Variants in ELP5 observed in about 807,000 individuals in gnomAD.
ELP5 encodes elongator complex protein 5.
In ELP5, 34 loss-of-function variants were observed where a neutral mutation model predicts 33.4. The ratio of observed to expected loss-of-function variants is 1.02; its 90% CI spans 0.78 to 1.36. ELP5 has a LOEUF of 1.36. Ranked by LOEUF, ELP5 falls within the 40% of genes most tolerant of loss-of-function variation. ELP5 has a pLI of 0.00. For missense variants in ELP5, 373 were observed against 371.7 expected (o/e 1.00, Z -0.03); for synonymous variants, 161 against 146.4 (o/e 1.10, Z -0.72).
At chr17:7,252,093 G>T (rs1489077282), upstream of ELP5, 2 of 298,992 alleles carry the variant, frequency 6.7e-6, no homozygotes, top group Non-Finnish European at 1.3e-5. Context: ...GTAGGTATAA[G>T]GAAAGCCAAA....
chr17:7,253,930 G>A (rs1191309599), intron 3 of ELP5, among the ~76,000 whole-genome samples: 1 of 151,708 alleles, frequency 6.6e-6, no homozygotes, highest in Admixed American at 6.6e-5. Context: ...CCAGGAGGCA[G>A]AGGTTGCAGT....
At position 7,257,013 on chromosome 17, in the gene ELP5, GGCCCCGACAGC is replaced by G. The variant is rs1428296245; in HGVS notation, c.571_581del (p.Arg191AsnfsTer2). 6.2e-7 allele frequency: 1 copy of G among 1,600,534 alleles called. No homozygotes were observed. Among genetic ancestry groups the G allele is most frequent in the Non-Finnish European group, 8.5e-7 (1 of 1,174,914 alleles). ...GCCTCGGCCCACATCCTGTGTCGGA[GGCCCCGACAGC>G]GCCCAACTGACCAGGTCAGAAGAAC... is the stretch of plus-strand genomic sequence containing the variant. On this transcript the variant is annotated frameshift_variant, in exon 5 of 8. Transcript: ENST00000396628. LOFTEE classifies it high-confidence loss of function.
At chr17:7,252,745 C>T (rs748255938) in intron 1 of ELP5, 25 bp from the exon 2 acceptor site, 8 of 1,614,012 alleles carry the variant, frequency 5.0e-6, no homozygotes, top group Non-Finnish European at 6.8e-6. Flanking sequence ...GCTCTCATAC[C>T]CTTTATCCGT....
At position 7,254,762 on chromosome 17, in the gene ELP5, G is replaced by C. The variant is rs1329945939; in HGVS notation, c.368G>C (p.Cys123Ser). Residue 123 changes from cysteine to serine, a missense_variant, in exon 4 of 8, where the codon TGC (cysteine) becomes TCC (serine). Cys to Ser is a moderately radical substitution (Grantham distance 112). Transcript: ENST00000396628. ...LLLRLPCTTL[C>S]QVLHAVSHQD... ...CTTCGCCTTCCCTGCACCACACTCT[G>C]CCAGGTCCTGCATGCTGTGAGCCAT... The C allele has an allele frequency of 2.5e-6, 4 of 1,614,058 alleles. No individual in the cohort carries two copies. The highest frequency in any genetic ancestry group is 3.4e-6 in the Non-Finnish European group (4 of 1,180,010).
chr17:7,252,773 C>A lies in ELP5; in HGVS notation c.50C>A (p.Ser17Tyr), dbSNP rs764166633. Residue 17 changes from serine (S) to tyrosine (Y), a missense_variant, in exon 2 of 8, where the codon TCC becomes TAC. Physicochemically the swap from Ser to Tyr is moderately radical, Grantham distance 144. Coordinates refer to ENST00000396628, the MANE Select transcript of ELP5 (RefSeq NM_203414.3). The part of the protein sequence containing the change: ...ALGGLVLLRD[S>Y]VEWEGRSLLK... ...TTATCCGTCCCTCGCTCTGCAGATTCCGTGGAGTGGGAGGGGCGCAGTCTC... is the reference window on the plus strand; with the variant it reads ...TTATCCGTCCCTCGCTCTGCAGATTACGTGGAGTGGGAGGGGCGCAGTCTC... The A allele has an allele frequency of 2.5e-6, 4 of 1,614,226 alleles. No individual in the cohort carries two copies. In the East Asian group the frequency reaches 6.7e-5, roughly 27 times the overall value.
Position 7,252,930 on chromosome 17 carries a change from G to C in ELP5, c.120G>C (p.Val40=). 1.2e-6 allele frequency: 2 copies of C among 1,614,186 alleles called. No individual in the cohort carries two copies. The highest frequency in any genetic ancestry group is 1.7e-6 in the Non-Finnish European group (2 of 1,180,030). Residue 40 remains valine, a synonymous_variant, in exon 3 of 8, where the codon GTG becomes GTC. Transcript: ENST00000396628. ...ATCTCTGCCTTAGTGGGGAGCAAGT[G>C]CATATCCTGGGCTGTGAAGTGAGCG... is the stretch of plus-strand genomic sequence containing the variant. ...VKKSALCGEQ[V]HILGCEVSEE...
chr17:7,257,251 G>A (rs915611241), intron 5 of ELP5, among the ~76,000 whole-genome samples: 3 of 152,098 alleles, frequency 2.0e-5, no homozygotes, highest in Non-Finnish European at 2.9e-5. Context: ...GATTACAGAC[G>A]TGAGCCACTG....
At position 7,254,862 on chromosome 17, in the gene ELP5, C is replaced by T. The variant is rs541917309; in HGVS notation, c.409+59C>T. On this transcript the variant is annotated intron_variant, in intron 4 of 7. Transcript: ENST00000396628. Reference sequence around the variant, plus strand: ...ATCTCCCTCTGCCAAGGAGTGTGCCCCTTTTCCTTTCTACCCTAGAATAAA... The same window carrying T: ...ATCTCCCTCTGCCAAGGAGTGTGCCTCTTTTCCTTTCTACCCTAGAATAAA... The T allele has an allele frequency of 4.8e-6, 7 of 1,460,332 alleles. No homozygotes were observed. The African/African-American group carries it at 7.0e-5, about 15-fold the overall frequency. The allele number at this position is 1,460,332 out of a possible 1,614,324, so 90.5% of individuals were successfully genotyped here. A position where few individuals can be genotyped will look rare whatever the true frequency, so the allele number is the denominator to read the frequency against.
rs764194014 is a variant in ELP5, at chr17:7,257,019, G to A, written c.572G>A (p.Arg191Gln). ...ASAHILCRRP[R>Q]QRPTDQTQWF... is the part of the protein sequence containing the mutation. ...GCCCACATCCTGTGTCGGAGGCCCCGACAGCGCCCAACTGACCAGGTCAGA... is the reference window on the plus strand; with the variant it reads ...GCCCACATCCTGTGTCGGAGGCCCCAACAGCGCCCAACTGACCAGGTCAGA... The change falls in exon 5 of 8, where the codon CGA becomes CAA. Residue 191 changes from arginine to glutamine, a missense_variant. By Grantham distance (43) the Arg-to-Gln change is conservative. Transcript: ENST00000396628. The A allele has an allele frequency of 2.4e-5, 39 of 1,597,654 alleles. No homozygotes were observed. The highest frequency in any genetic ancestry group is 1.1e-4 in the African/African-American group (8 of 74,660).
chr17:7,256,509 C>CT (rs1567592678), intron 4 of ELP5, among the ~76,000 whole-genome samples: 1 of 152,306 alleles, frequency 6.6e-6, no homozygotes, highest in East Asian at 1.9e-4. Flanking sequence ...AAGGCACTGA[C>CT]TGAGATCTTG....
chr17:7,256,959 A>T lies in ELP5; in HGVS notation c.512A>T (p.Glu171Val). ...GCTCTCAGCAGCCTTGCTCAGACTG[A>T]GGTGACCCTGGGCGGTACCATGGGC... ...VGALSSLAQT[E>V]VTLGGTMGQA... Residue 171 changes from glutamate to valine, a missense_variant, in exon 5 of 8, where the codon GAG (glutamate) becomes GTG (valine). Transcript: ENST00000396628. 1 of 1,613,630 alleles carries T rather than the reference A, an allele frequency of 6.2e-7. No homozygotes were observed.
Position 7,259,791 on chromosome 17 carries a change from C to G in ELP5, c.*106C>G. The G allele has an allele frequency of 6.7e-7, 1 of 1,503,022 alleles. No individual in the cohort carries two copies. Among genetic ancestry groups the G allele is most frequent in the Non-Finnish European group, 8.9e-7 (1 of 1,125,928 alleles). 93.1% of individuals were successfully genotyped at this position (1,503,022 alleles called of 1,614,324 possible). On this transcript the variant is annotated 3_prime_UTR_variant, in exon 8 of 8. Transcript: ENST00000396628. ...TAGCCTTACCCTGTCCCTGCCCCAC[C>G]TTGGTTCCCCTTGTCTATGGAGCCC...
intron 7 of ELP5, 105 bp from the exon 8 acceptor site, chr17:7,259,466 G>A: frequency 7.7e-6 from 12 of 1,550,152 alleles, no homozygotes; most frequent in Non-Finnish European, 1.0e-5. Context: ...AAAATGACAT[G>A]GAGGCCTAAC....
chr17:7,259,268 A>G lies in ELP5; in HGVS notation c.789-303A>G. 2.9e-6 allele frequency: 4 copies of G among 1,371,774 alleles called. No homozygotes were observed. In the South Asian group the frequency reaches 4.9e-5, roughly 17 times the overall value. 85.0% of individuals were successfully genotyped at this position (1,371,774 alleles called of 1,614,324 possible). On this transcript the variant is annotated intron_variant, in intron 7 of 7. Coordinates refer to ENST00000396628, the MANE Select transcript of ELP5 (RefSeq NM_203414.3). Reference sequence around the variant, plus strand: ...TGGGCGTGGCAGAGGCTGGTTAACAAGGGCTTAGTACACGCTTGCTGTTCT... The same window carrying G: ...TGGGCGTGGCAGAGGCTGGTTAACAGGGGCTTAGTACACGCTTGCTGTTCT...
intron 3 of ELP5, 50 bp downstream of exon 3, chr17:7,253,048 A>G (rs764691434): frequency 6.3e-7 from 1 of 1,580,220 alleles, no homozygotes; most frequent in Non-Finnish European, 8.7e-7. Flanking sequence ...CTATAATGCT[A>G]AGGAAATTTC....
At chr17:7,258,487 A>ATT (rs1160526963) in intron 5 of ELP5, 101 bp from the exon 6 acceptor site, 1 of 1,072,636 alleles carries the variant, frequency 9.3e-7, no homozygotes, top group Non-Finnish European at 1.4e-6. Context: ...AGCTGAAAGC[A>ATT]GTCAGTTAAA....
At position 7,257,506 on chromosome 17, in the gene ELP5, C is replaced by G. The variant is rs146397099; in HGVS notation, c.591+468C>G. ...AGTGCTGTGGTGCAATCATAACTTA[C>G]GGCAGCTTTGACCTCCCATGTTCAA... On this transcript the variant is annotated intron_variant, in intron 5 of 7. Coordinates refer to ENST00000396628, the MANE Select transcript of ELP5 (RefSeq NM_203414.3). Among the ~76,000 whole-genome samples, 153 of 150,582 alleles carry G rather than the reference C, an allele frequency of 1.0e-3. 1 individual carries two copies. Among genetic ancestry groups the G allele is most frequent in the African/African-American group, 3.5e-3 (142 of 41,124 alleles).
intron 1 of ELP5, 81 bp downstream of exon 1, chr17:7,252,677 AG>A (rs2071971497): frequency 6.2e-7 from 1 of 1,605,622 alleles, no homozygotes; most frequent in Non-Finnish European, 8.5e-7. Context: ...AGGAAGGGCC[AG>A]GGGTCACAGG....
At chr17:7,256,723 T>C (rs1355538078) in intron 4 of ELP5, 134 bp from the exon 5 acceptor site, 2 of 810,060 alleles carry the variant, frequency 2.5e-6, no homozygotes, top group Admixed American at 4.3e-5. Context: ...AGCACGGTAG[T>C]GAGATTGGCC....
Sources: gnomAD v4.1 joint callset for allele counts (sites outside exome capture counted in the v4.1 genomes callset) on GRCh38, gnomAD v4.1.1 for gene constraint, MANE v1.5 for transcripts, NCBI Gene and HGNC (gene_info 2026-07-23, HGNC 2026-07-21) for gene names.